Variants in KIAA1755 observed in about 807,000 individuals in gnomAD.
The protein encoded by KIAA1755 is KIAA1755.
A neutral mutation model predicts 91.7 loss-of-function variants in KIAA1755; 68 were observed. The ratio of observed to expected loss-of-function variants is 0.74; its 90% CI spans 0.61 to 0.91. KIAA1755 has a LOEUF of 0.91. Among genes scored for constraint, KIAA1755 ranks in the 40% least tolerant of loss-of-function variants. The probability of loss-of-function intolerance (pLI) is 0.00; values close to 1 mark genes in which losing one functional copy is unlikely to be tolerated. For missense variants in KIAA1755, 1,535 were observed against 1,494.4 expected (o/e 1.03, Z -0.45); for synonymous variants, 610 against 604.6 (o/e 1.01, Z -0.13).
chr20:38,239,814 A>G (rs1375980898), intron 3 of KIAA1755, 89 bp from the exon 4 acceptor site: 15 of 1,175,198 alleles, frequency 1.3e-5, no homozygotes, highest in East Asian at 9.7e-5. Context: ...TTTCTGACTA[A>G]TAATAGCTTA....
chr20:38,216,747 A>C, intron 13 of KIAA1755: 1 of 446,122 alleles, frequency 2.2e-6, no homozygotes, highest in Non-Finnish European at 4.5e-6. Flanking sequence ...GTCATCAAAG[A>C]GGTATGGATA....
At chr20:38,223,717 G>A in intron 8 of KIAA1755, 81 bp from the exon 9 acceptor site, 1 of 1,013,432 alleles carries the variant, frequency 9.9e-7, no homozygotes, top group Non-Finnish European at 1.5e-6. Flanking sequence ...AGCACAGAGG[G>A]GAGGTGGGAG....
At position 38,228,219 on chromosome 20, in the gene KIAA1755, C is replaced by T. The variant is rs547822886; in HGVS notation, c.1893G>A (p.Gly631=). 115 of 1,601,386 alleles carry T rather than the reference C, an allele frequency of 7.2e-5. No individual in the cohort carries two copies. The South Asian group carries it at 1.1e-3, about 16-fold the overall frequency. The change falls in exon 6 of 14, where the codon GGG becomes GGA. Residue 631 remains glycine, a synonymous_variant. Coordinates refer to ENST00000279024, the MANE Select transcript of KIAA1755 (RefSeq NM_001029864.2). ...TCCTGGCGTCAATCAGGACCGCCAG[C>T]CCCTTGGCTTTATCTTCAGGCCTGT... ...TIPRPEDKAK[G]LAVLIDARRQ...
At chr20:38,260,381 T>A in intron 1 of KIAA1755, 117 bp downstream of exon 1, 1 of 1,601,944 alleles carries the variant, frequency 6.2e-7, no homozygotes, top group Non-Finnish European at 8.5e-7. Flanking sequence ...GCCAAGGCAC[T>A]GAGGGTCGTC....
rs547612636 is a variant in KIAA1755 at position 38,213,005 on chromosome 20, G to A, written c.*37C>T. On this transcript the variant is annotated 3_prime_UTR_variant, in exon 14 of 14. Transcript: ENST00000279024. ...CCCTCCAGCTGGGCCCTGGCCCAGTGCTCCTGGAGGCTGGTGCGACTGAAG... is the reference window on the plus strand; with the variant it reads ...CCCTCCAGCTGGGCCCTGGCCCAGTACTCCTGGAGGCTGGTGCGACTGAAG... 8.2e-5 allele frequency: 122 copies of A among 1,490,126 alleles called. 1 individual carries two copies. Among genetic ancestry groups the A allele is most frequent in the Non-Finnish European group, 1.0e-4 (112 of 1,111,180 alleles). 92.3% of individuals were successfully genotyped at this position (1,490,126 alleles called of 1,614,324 possible).
intron 1 of KIAA1755, among the ~76,000 whole-genome samples, chr20:38,258,270 A>C (rs970276768): frequency 2.0e-5 from 3 of 152,216 alleles, no homozygotes; most frequent in Non-Finnish European, 2.9e-5. Context: ...TTCTATTTAA[A>C]TATATTTTTC....
At chr20:38,237,712 C>A (rs550170673) in intron 4 of KIAA1755, among the ~76,000 whole-genome samples, 8 of 151,162 alleles carry the variant, frequency 5.3e-5, no homozygotes, top group African/African-American at 1.5e-4. Context: ...TTTTGGGAGG[C>A]CTGAAGATGA....
At chr20:38,216,736 T>C (rs2075549508) in intron 13 of KIAA1755, 1 of 439,610 alleles carries the variant, frequency 2.3e-6, no homozygotes, top group Admixed American at 2.4e-5. Context: ...ATTGGTTCCC[T>C]GTCATCAAAG....
chr20:38,234,085 T>C (rs1382823820), intron 4 of KIAA1755, among the ~76,000 whole-genome samples: 1 of 152,142 alleles, frequency 6.6e-6, no homozygotes, highest in Non-Finnish European at 1.5e-5. Context: ...GCCAACACCT[T>C]GATCTTGGAC....
chr20:38,259,797 ACGCATC>A (rs1375901423), intron 1 of KIAA1755, among the ~76,000 whole-genome samples: 1 of 142,496 alleles, frequency 7.0e-6, no homozygotes, highest in Non-Finnish European at 1.5e-5. Context: ...ACTGGCACAA[ACGCATC>A]CCTGCCACCA....
At chr20:38,246,285 C>A (rs543773159) in intron 1 of KIAA1755, among the ~76,000 whole-genome samples, 159 bp from the exon 2 acceptor site, 19 of 152,324 alleles carry the variant, frequency 1.2e-4, no homozygotes, top group African/African-American at 4.1e-4. Context: ...GCCACACTGG[C>A]CTTCTTTCCT....
At position 38,212,800 on chromosome 20, in the gene KIAA1755, T is replaced by C. The variant is rs1438277217; in HGVS notation, c.*242A>G. On this transcript the variant is annotated 3_prime_UTR_variant, in exon 14 of 14. Coordinates refer to ENST00000279024, the MANE Select transcript of KIAA1755 (RefSeq NM_001029864.2). ...GGAGGGATGGAGCCAATCACACCAT[T>C]TATTGTGCCCTGGTTCTGACGCCCA... The C allele has an allele frequency of 4.5e-6, 2 of 444,136 alleles. No homozygotes were observed. The highest frequency in any genetic ancestry group is 6.6e-5 in the East Asian group (2 of 30,128). 27.5% of individuals were successfully genotyped at this position (444,136 alleles called of 1,614,324 possible).
intron 1 of KIAA1755, among the ~76,000 whole-genome samples, chr20:38,257,078 C>G (rs1174125265): frequency 1.3e-5 from 2 of 152,138 alleles, no homozygotes; most frequent in Non-Finnish European, 2.9e-5. Flanking sequence ...CTTCTCTTTG[C>G]TTTTCAGGAC....
intron 8 of KIAA1755, among the ~76,000 whole-genome samples, chr20:38,224,345 G>A (rs2075717290): frequency 6.6e-6 from 1 of 152,196 alleles, no homozygotes; most frequent in Admixed American, 6.5e-5. Context: ...CCTCTGGAAA[G>A]GGAAGCTAGG....
Position 38,213,498 on chromosome 20 carries a change from C to T in KIAA1755, c.3147G>A (p.Glu1049=), listed in dbSNP as rs781029366. 6.2e-7 allele frequency: 1 copy of T among 1,609,238 alleles called. No individual in the cohort carries two copies. The highest frequency in any genetic ancestry group is 1.7e-5 in the Admixed American group (1 of 59,398). Residue 1049 remains glutamate, a synonymous_variant, in exon 14 of 14, where the codon GAG becomes GAA. Coordinates refer to ENST00000279024, the MANE Select transcript of KIAA1755 (RefSeq NM_001029864.2). ...GGCAAGAGCTGTGGGTCAGTGCCTT[C>T]TCCAGGAGCATCCGGATCTCCTCAT... The part of the protein sequence containing the change: ...IRHEEIRMLL[E]KALTHSSCPE...
chr20:38,247,720 C>G (rs1000345353), intron 1 of KIAA1755, among the ~76,000 whole-genome samples: 2 of 152,168 alleles, frequency 1.3e-5, no homozygotes, highest in African/African-American at 4.8e-5. Context: ...ACAAGGAGAC[C>G]ATCCTGGATT....
intron 2 of KIAA1755, among the ~76,000 whole-genome samples, chr20:38,242,781 G>T (rs568342384): frequency 1.3e-5 from 2 of 152,012 alleles, no homozygotes; most frequent in African/African-American, 4.8e-5. Flanking sequence ...GTTATTCTGG[G>T]CCTGAATGTT....
intron 4 of KIAA1755, among the ~76,000 whole-genome samples, chr20:38,236,550 T>A (rs188607481): frequency 1.3e-5 from 2 of 151,932 alleles, no homozygotes; most frequent in East Asian, 3.9e-4. Flanking sequence ...TTGTGGCCAG[T>A]GAGGTGAGAG....
chr20:38,235,556 C>A (rs1431226836), intron 4 of KIAA1755, among the ~76,000 whole-genome samples: 1 of 152,064 alleles, frequency 6.6e-6, no homozygotes, highest in Non-Finnish European at 1.5e-5. Context: ...ACATTGCTGG[C>A]TTTGAGGATG....
Sources: allele counts gnomAD v4.1 joint callset (sites outside exome capture counted in the v4.1 genomes callset), GRCh38; gene constraint gnomAD v4.1.1; transcripts MANE v1.5; gene names NCBI Gene and HGNC (gene_info 2026-07-23, HGNC 2026-07-21).